Variants in SCD5 observed in about 807,000 individuals in gnomAD.
SCD5 encodes stearoyl-CoA desaturase 5.
SCD5 carries 20 observed loss-of-function variants against 30.4 expected under a neutral mutation model. The observed-to-expected ratio is 0.66, with a 90% confidence interval of 0.46 to 0.96. The LOEUF (loss-of-function observed/expected upper bound fraction) is 0.96, where lower values mean the gene tolerates loss of function less well. Ranked by LOEUF, SCD5 falls within the 40% of genes least tolerant of loss-of-function variation. The pLI, the probability that SCD5 is intolerant of heterozygous loss-of-function variation, is 0.00. For synonymous variants in SCD5, 173 were observed against 176.4 expected, an observed-to-expected ratio of 0.98 and a Z score of 0.16; for missense variants, 381 against 443.3, an observed-to-expected ratio of 0.86 and a Z score of 1.26.
intron 1 of SCD5, among the ~76,000 whole-genome samples, chr4:82,719,959 G>A (rs549024107): frequency 6.6e-6 from 1 of 151,492 alleles, no homozygotes; most frequent in Non-Finnish European, 1.5e-5. Context: ...ACACCACCAC[G>A]CCCAGCTAAT....
At chr4:82,730,151 C>T (rs1384487355) in intron 1 of SCD5, among the ~76,000 whole-genome samples, 3 of 150,038 alleles carry the variant, frequency 2.0e-5, no homozygotes, top group Non-Finnish European at 3.0e-5. Flanking sequence ...TTACAGGACC[C>T]CAGCTGAGGA....
chr4:82,734,573 T>C (rs183230855), intron 1 of SCD5, among the ~76,000 whole-genome samples: 1 of 152,352 alleles, frequency 6.6e-6, no homozygotes, highest in Admixed American at 6.5e-5. Flanking sequence ...TTTAACAATA[T>C]ATATTGCAGT....
chr4:82,682,714 A>G (rs998990280), intron 2 of SCD5, among the ~76,000 whole-genome samples: 6 of 152,200 alleles, frequency 3.9e-5, no homozygotes, highest in Admixed American at 6.5e-5. Flanking sequence ...TGGTGCAATC[A>G]CATAGCTCTC....
chr4:82,638,072 A>G (rs1156275734), intron 3 of SCD5, among the ~76,000 whole-genome samples: 1 of 151,662 alleles, frequency 6.6e-6, no homozygotes, highest in Non-Finnish European at 1.5e-5. Flanking sequence ...TTCAGCTCCC[A>G]CTTATAAGTG....
intron 1 of SCD5, chr4:82,753,516 G>C (rs1721152967): frequency 4.5e-6 from 2 of 449,354 alleles, no homozygotes; most frequent in Non-Finnish European, 9.3e-6. Flanking sequence ...CCAGGAGTGT[G>C]GCTCTTTGTG....
At chr4:82,712,253 TA>T (rs1720109431) in intron 1 of SCD5, among the ~76,000 whole-genome samples, 1 of 24,046 alleles carries the variant, frequency 4.2e-5, no homozygotes, top group African/African-American at 2.7e-4. Context: ...CATATATATA[TA>T]TATATATATA....
chr4:82,685,891 T>TA lies in SCD5; in HGVS notation c.364-4980dup, dbSNP rs1318842123. 6.6e-5 allele frequency among the ~76,000 whole-genome samples: 10 copies of TA among 152,128 alleles called. No homozygotes were observed. In the South Asian group the frequency reaches 1.7e-3, roughly 25 times the overall value. On this transcript the variant is annotated intron_variant, in intron 2 of 4. Coordinates refer to ENST00000319540, the MANE Select transcript of SCD5 (RefSeq NM_001037582.3). Reference sequence around the variant, plus strand: ...ATTATTTTTTTTCCGTACCAAGTCTTAGAGATTTTTCACTTGTAGCACACC... The same window carrying TA: ...ATTATTTTTTTTCCGTACCAAGTCTTAAGAGATTTTTCACTTGTAGCACACC...
At chr4:82,643,373 T>G (rs1486050994) in intron 3 of SCD5, among the ~76,000 whole-genome samples, 1 of 152,176 alleles carries the variant, frequency 6.6e-6, no homozygotes, top group African/African-American at 2.4e-5. Context: ...ATATATACAA[T>G]AGAATGCTAG....
chr4:82,682,604 T>C (rs137972348), intron 2 of SCD5, among the ~76,000 whole-genome samples: 10 of 152,298 alleles, frequency 6.6e-5, no homozygotes, highest in Non-Finnish European at 1.0e-4. Context: ...TACCATTTCA[T>C]AGAGATTGGC....
chr4:82,765,119 C>T (rs1273270974), intron 1 of SCD5, among the ~76,000 whole-genome samples: 1 of 152,002 alleles, frequency 6.6e-6, no homozygotes, highest in Non-Finnish European at 1.5e-5. Flanking sequence ...TCAAGATTTC[C>T]AGTTGGTAGA....
intron 2 of SCD5, among the ~76,000 whole-genome samples, chr4:82,699,875 T>C (rs993880924): frequency 6.6e-6 from 1 of 151,734 alleles, no homozygotes; most frequent in Non-Finnish European, 1.5e-5. Flanking sequence ...TTGGCCAGGA[T>C]GGTCTCGATC....
intron 1 of SCD5, among the ~76,000 whole-genome samples, chr4:82,721,640 T>C (rs28604899): frequency 0.5 from 75,914 of 152,008 alleles, 20,891 homozygotes; most frequent in African/African-American, 0.75. Context: ...TGAAGAGACA[T>C]AGGGAGAAGC....
At chr4:82,767,387 G>A (rs1372455261) in intron 1 of SCD5, among the ~76,000 whole-genome samples, 2 of 151,952 alleles carry the variant, frequency 1.3e-5, no homozygotes, top group Non-Finnish European at 2.9e-5. Flanking sequence ...CTGTCTCCTC[G>A]ACTCAAGGAC....
chr4:82,771,515 C>A (rs1721621697), intron 1 of SCD5, among the ~76,000 whole-genome samples: 2 of 152,206 alleles, frequency 1.3e-5, no homozygotes, highest in African/African-American at 2.4e-5. Context: ...TTCACAGCAA[C>A]CCTACTAGAA....
intron 3 of SCD5, among the ~76,000 whole-genome samples, chr4:82,646,266 T>C (rs1727632576): frequency 1.3e-5 from 2 of 152,198 alleles, no homozygotes; most frequent in African/African-American, 4.8e-5. Context: ...GGAAAAATCA[T>C]GTGGATGCTT....
chr4:82,765,862 C>A (rs556639315), intron 1 of SCD5, among the ~76,000 whole-genome samples: 1 of 152,252 alleles, frequency 6.6e-6, no homozygotes, highest in East Asian at 1.9e-4. Flanking sequence ...TCAAGTGATC[C>A]GCCTGCCTTG....
rs75493384 is a variant in SCD5, at chr4:82,732,505, C to T, written c.233-27092G>A. ...TAACTTCTGTCTTTTCACTTGCTTG[C>T]ATCTCCCTCTCGTGGAAACAGGCCT... On this transcript the variant is annotated intron_variant, in intron 1 of 4. Transcript: ENST00000319540. Among the ~76,000 whole-genome samples, 932 of 152,350 alleles carry T rather than the reference C, an allele frequency of 6.1e-3. 16 individuals are homozygous for T. The highest frequency in any genetic ancestry group is 0.021 in the African/African-American group (880 of 41,588).
chr4:82,751,680 G>A (rs1002637782), intron 1 of SCD5, among the ~76,000 whole-genome samples: 1 of 152,200 alleles, frequency 6.6e-6, no homozygotes, highest in African/African-American at 2.4e-5. Context: ...AGGCTGGAGT[G>A]CACTGGTGCA....
At chr4:82,638,712 G>C (rs534048398) in intron 3 of SCD5, among the ~76,000 whole-genome samples, 1 of 152,312 alleles carries the variant, frequency 6.6e-6, no homozygotes, top group South Asian at 2.1e-4. Flanking sequence ...TGAACAAACA[G>C]CTGGGGTGAA....
Sources: gnomAD v4.1 joint callset for allele counts (sites outside exome capture counted in the v4.1 genomes callset) on GRCh38, gnomAD v4.1.1 for gene constraint, MANE v1.5 for transcripts, NCBI Gene and HGNC (gene_info 2026-07-23, HGNC 2026-07-21) for gene names.